NPY: variants seen among roughly 807,000 people sequenced by gnomAD.
NPY encodes the protein neuropeptide Y, also known as pro-neuropeptide Y.
NPY carries 11 observed loss-of-function variants against 13.2 expected under a neutral mutation model. The ratio of observed to expected loss-of-function variants is 0.83; its 90% CI spans 0.52 to 1.38. NPY has a LOEUF of 1.38. NPY is among the 40% of genes most tolerant of loss of function. The pLI is 0.00. For synonymous variants in NPY, 51 were observed against 55.6 expected, an observed-to-expected ratio of 0.92 and a Z score of 0.37; for missense variants, 109 against 125.1, an observed-to-expected ratio of 0.87 and a Z score of 0.61.
At chr7:24,284,944 A>G (rs1562799515) in intron 1 of NPY, 1 of 496,628 alleles carries the variant, frequency 2.0e-6, no homozygotes, top group Non-Finnish European at 3.6e-6. Context: ...TTTGAATGCT[A>G]AACTGGCGGG....
intron 3 of NPY, among the ~76,000 whole-genome samples, chr7:24,290,775 A>ATAATTATTATTATTATT (rs1554351567): frequency 7.7e-6 from 1 of 129,638 alleles, no homozygotes; most frequent in Admixed American, 7.8e-5. Flanking sequence ...TAATAATAAT[A>ATAATTATTATTATTATT]ATTATTATTA....
At position 24,285,876 on chromosome 7, in the gene NPY, G is replaced by A. The variant is rs16138; in HGVS notation, c.188+448G>A. Among the ~76,000 whole-genome samples the A allele has an allele frequency of 6.6e-6, 1 of 151,968 alleles. No individual in the cohort carries two copies. The highest frequency in any genetic ancestry group is 2.1e-4 in the South Asian group (1 of 4,822). On this transcript the variant is annotated intron_variant, in intron 2 of 3. Coordinates refer to ENST00000242152, the MANE Select transcript of NPY (RefSeq NM_000905.4). The surrounding 1 kb of genome is among the most constrained non-coding windows in gnomAD (Gnocchi z 4.9). The stretch of plus-strand genomic sequence containing the variant: ...AACCAAACCAAGGAGTAAACTGCAG[G>A]GTTGCCACAGACATTGTCAGACTTT...
intron 1 of NPY, chr7:24,284,911 G>C: frequency 2.4e-6 from 1 of 418,692 alleles, no homozygotes; most frequent in Admixed American, 4.0e-5. Flanking sequence ...AAGTGACCCA[G>C]CAGGAAGAAC....
At position 24,285,190 on chromosome 7, in the gene NPY, G is replaced by A. The variant is rs1360613769; in HGVS notation, c.1-51G>A. ...GGGGCAGAGGAGGGAGGTGCTGCGCGTGGGTGCTCTGAATCCCCAAGCCCG... is the reference window on the plus strand; with the variant it reads ...GGGGCAGAGGAGGGAGGTGCTGCGCATGGGTGCTCTGAATCCCCAAGCCCG... On this transcript the variant is annotated intron_variant, in intron 1 of 3. Transcript: ENST00000242152. The surrounding 1 kb of genome is among the most constrained non-coding windows in gnomAD (Gnocchi z 4.9). 4 of 1,592,210 alleles carry A rather than the reference G, an allele frequency of 2.5e-6. No homozygotes were observed. Among genetic ancestry groups the A allele is most frequent in the Non-Finnish European group, 3.4e-6 (4 of 1,161,140 alleles).
Position 24,285,540 on chromosome 7 carries a change from G to A in NPY, c.188+112G>A. The stretch of plus-strand genomic sequence containing the variant: ...TTTTCCTTCGCTCTATCCCAGGGCA[G>A]GACAGTATCAGGCACTTAGTCAGCT... On this transcript the variant is annotated intron_variant, in intron 2 of 3. Coordinates refer to ENST00000242152, the MANE Select transcript of NPY (RefSeq NM_000905.4). This position sits in a 1 kb window ranked among gnomAD's most constrained non-coding sequence, Gnocchi z 4.9. 1 of 1,139,042 alleles carries A rather than the reference G, an allele frequency of 8.8e-7. No individual in the cohort carries two copies. The highest frequency in any genetic ancestry group is 1.2e-6 in the Non-Finnish European group (1 of 805,430). The allele number at this position is 1,139,042 out of a possible 1,614,324, so 70.6% of individuals were successfully genotyped here.
intron 2 of NPY, among the ~76,000 whole-genome samples, chr7:24,287,727 A>T (rs1276681827): frequency 5.3e-5 from 8 of 152,110 alleles, no homozygotes; most frequent in African/African-American, 1.9e-4. Flanking sequence ...GGAGGCTGCT[A>T]AATATCCTAC....
intron 2 of NPY, among the ~76,000 whole-genome samples, chr7:24,288,213 A>C (rs555523438): frequency 7.8e-4 from 119 of 152,306 alleles, no homozygotes; most frequent in African/African-American, 2.8e-3. Flanking sequence ...CTAGACTTTT[A>C]CGATTAGTAA....
chr7:24,290,261 T>C (rs189116840), intron 3 of NPY, among the ~76,000 whole-genome samples: 6 of 152,308 alleles, frequency 3.9e-5, no homozygotes, highest in African/African-American at 1.2e-4. Flanking sequence ...TGGTGCCTCC[T>C]GGACAAGGAG....
chr7:24,290,849 A>G (rs1430720575), intron 3 of NPY, among the ~76,000 whole-genome samples: 1 of 151,092 alleles, frequency 6.6e-6, no homozygotes, highest in Non-Finnish European at 1.5e-5. Flanking sequence ...ATCAAAGATC[A>G]CTGCAGCCTC....
chr7:24,286,785 A>T (rs1306428920), intron 2 of NPY, among the ~76,000 whole-genome samples: 3 of 152,250 alleles, frequency 2.0e-5, no homozygotes, highest in Non-Finnish European at 4.4e-5. Flanking sequence ...TAATTGATTC[A>T]AATTCTTGCT....
chr7:24,285,432 G>GGTGGGACC lies in NPY; in HGVS notation c.188+6_188+13dup, dbSNP rs1787325458. The GGTGGGACC allele has an allele frequency of 6.2e-7, 1 of 1,608,162 alleles. No individual in the cohort carries two copies. Among genetic ancestry groups the GGTGGGACC allele is most frequent in the African/African-American group, 1.3e-5 (1 of 74,804 alleles). Reference sequence around the variant, plus strand: ...TCAACCTCATCACCAGGCAGAGGTGGGTGGGACCGCGGGACCGATTCCGGG... The same window carrying GGTGGGACC: ...TCAACCTCATCACCAGGCAGAGGTGGGTGGGACCGTGGGACCGCGGGACCGATTCCGGG... On this transcript the variant is annotated splice_donor_region_variant and intron_variant, in intron 2 of 3. Transcript: ENST00000242152. This position sits in a 1 kb window ranked among gnomAD's most constrained non-coding sequence, Gnocchi z 4.9.
chr7:24,287,630 C>T (rs888705455), intron 2 of NPY, among the ~76,000 whole-genome samples: 1 of 152,088 alleles, frequency 6.6e-6, no homozygotes. Flanking sequence ...TTATGCTCCC[C>T]AGGTGTGATT....
chr7:24,289,174 A>T (rs919074376), intron 2 of NPY, among the ~76,000 whole-genome samples: 4 of 152,170 alleles, frequency 2.6e-5, no homozygotes, highest in African/African-American at 9.7e-5. Context: ...CCTGTCACCT[A>T]GTTATAAAAG....
chr7:24,289,687 G>A, intron 3 of NPY, 108 bp downstream of exon 3: 1 of 696,286 alleles, frequency 1.4e-6, no homozygotes, highest in South Asian at 2.4e-5. Flanking sequence ...TTCTAGACTA[G>A]GGGAGATTTC....
chr7:24,284,988 G>T, intron 1 of NPY: 1 of 565,342 alleles, frequency 1.8e-6, no homozygotes. Context: ...CGCGCTTCTT[G>T]GTCCCTGAGA....
Position 24,285,527 on chromosome 7 carries a change from C to G in NPY, c.188+99C>G. 7.9e-7 allele frequency: 1 copy of G among 1,267,300 alleles called. No individual in the cohort carries two copies. The highest frequency in any genetic ancestry group is 1.1e-6 in the Non-Finnish European group (1 of 911,952). The allele number at this position is 1,267,300 out of a possible 1,614,324, so 78.5% of individuals were successfully genotyped here. A position where few individuals can be genotyped will look rare whatever the true frequency, so the allele number is the denominator to read the frequency against. ...AAGGGATTGTTTCTTTTCCTTCGCT[C>G]TATCCCAGGGCAGGACAGTATCAGG... On this transcript the variant is annotated intron_variant, in intron 2 of 3. Transcript: ENST00000242152. The surrounding 1 kb of genome is among the most constrained non-coding windows in gnomAD (Gnocchi z 4.9).
intron 2 of NPY, among the ~76,000 whole-genome samples, chr7:24,289,003 G>T (rs1787494776): frequency 6.6e-6 from 1 of 152,128 alleles, no homozygotes; most frequent in Non-Finnish European, 1.5e-5. Context: ...AGACACAGGT[G>T]GGTCTTGGAC....
chr7:24,287,710 A>T (rs1787444196), intron 2 of NPY, among the ~76,000 whole-genome samples: 1 of 152,124 alleles, frequency 6.6e-6, no homozygotes, highest in Non-Finnish European at 1.5e-5. Context: ...AGGTGTATAG[A>T]TGCCAAGGAG....
At position 24,285,110 on chromosome 7, in the gene NPY, G is replaced by C. The variant is rs1294726346; in HGVS notation, c.1-131G>C. On this transcript the variant is annotated intron_variant, in intron 1 of 3. Transcript: ENST00000242152. This position sits in a 1 kb window ranked among gnomAD's most constrained non-coding sequence, Gnocchi z 4.9. ...AGCCACTCCTGGGTTCTCTCTGCGGGACTGGGACGAGAGCGGATTGGGGGT... is the reference window on the plus strand; with the variant it reads ...AGCCACTCCTGGGTTCTCTCTGCGGCACTGGGACGAGAGCGGATTGGGGGT... The C allele has an allele frequency of 6.2e-6, 6 of 963,830 alleles. No homozygotes were observed. The highest frequency in any genetic ancestry group is 9.7e-6 in the Non-Finnish European group (6 of 618,872). The allele number at this position is 963,830 out of a possible 1,614,324, so 59.7% of individuals were successfully genotyped here.
Sources: allele counts gnomAD v4.1 joint callset (sites outside exome capture counted in the v4.1 genomes callset), GRCh38; gene constraint gnomAD v4.1.1; non-coding constraint Gnocchi (gnomAD v3.1); transcripts MANE v1.5; gene names NCBI Gene and HGNC (gene_info 2026-07-23, HGNC 2026-07-21).